Variants in CNTNAP5 observed in about 807,000 individuals in gnomAD.
CNTNAP5 encodes the protein contactin-associated protein-like 5.
In CNTNAP5, 72 loss-of-function variants were observed where a neutral mutation model predicts 150.2. That is an observed-to-expected ratio of 0.48 (90% CI 0.40 to 0.58). The LOEUF is 0.58. Among genes scored for constraint, CNTNAP5 ranks in the 20% least tolerant of loss-of-function variants. The pLI is 0.00. For synonymous variants in CNTNAP5, 672 were observed against 619.8 expected (o/e 1.08, Z -1.25); for missense variants, 1,636 against 1,626.2 (o/e 1.01, Z -0.10).
At chr2:124,090,175 T>C (rs1232243793) in intron 1 of CNTNAP5, among the ~76,000 whole-genome samples, 1 of 152,240 alleles carries the variant, frequency 6.6e-6, no homozygotes, top group African/African-American at 2.4e-5. Flanking sequence ...ATCCTTTATT[T>C]AGCAAAGTCA....
intron 17 of CNTNAP5, among the ~76,000 whole-genome samples, chr2:124,780,811 C>G (rs968238851): frequency 3.3e-5 from 5 of 152,218 alleles, no homozygotes; most frequent in Non-Finnish European, 5.9e-5. Flanking sequence ...ATTTGCAATG[C>G]CTTCTGGGCA....
chr2:124,127,578 C>T (rs1345193494), intron 1 of CNTNAP5, among the ~76,000 whole-genome samples: 3 of 152,018 alleles, frequency 2.0e-5, no homozygotes, highest in Non-Finnish European at 4.4e-5. Context: ...TCATATGGAA[C>T]CAAAAAAGAG....
At chr2:124,440,180 G>A (rs1692638770) in intron 5 of CNTNAP5, among the ~76,000 whole-genome samples, 1 of 152,122 alleles carries the variant, frequency 6.6e-6, no homozygotes, top group Non-Finnish European at 1.5e-5. Flanking sequence ...TTTAACTTGT[G>A]TGAGAAGCTT....
chr2:124,226,184 C>T (rs1686454273), intron 2 of CNTNAP5, among the ~76,000 whole-genome samples: 1 of 151,340 alleles, frequency 6.6e-6, no homozygotes, highest in African/African-American at 2.4e-5. Flanking sequence ...TTAGAAACCT[C>T]CATACCGTTT....
At chr2:124,224,312 A>G (rs1437008323) in intron 2 of CNTNAP5, among the ~76,000 whole-genome samples, 1 of 152,128 alleles carries the variant, frequency 6.6e-6, no homozygotes, top group African/African-American at 2.4e-5. Flanking sequence ...AATAGGCACA[A>G]ACAGTATTCA....
chr2:124,329,831 G>A (rs1364477292), intron 3 of CNTNAP5, among the ~76,000 whole-genome samples: 2 of 152,082 alleles, frequency 1.3e-5, no homozygotes, highest in African/African-American at 4.8e-5. Context: ...GGGCACAGAG[G>A]AAAAACAATG....
rs576026334 is a variant in CNTNAP5 at position 124,599,491 on chromosome 2, G to A, written c.1757-10310G>A. On this transcript the variant is annotated intron_variant, in intron 11 of 23. Transcript: ENST00000682447. ...ACACTATATTTAAAATTTTGTGATT[G>A]ATATTCATGAGTGATTCTATAATTT... is the stretch of plus-strand genomic sequence containing the variant. Among the ~76,000 whole-genome samples, 433 of 152,150 alleles carry A rather than the reference G, an allele frequency of 2.8e-3. 4 individuals are homozygous for A. The highest frequency in any genetic ancestry group is 4.9e-3 in the Non-Finnish European group (334 of 68,000).
chr2:124,884,946 T>C (rs1172226623), intron 21 of CNTNAP5, among the ~76,000 whole-genome samples: 2 of 152,090 alleles, frequency 1.3e-5, no homozygotes, highest in Non-Finnish European at 2.9e-5. Context: ...TGAAGCTGGC[T>C]GGGAAAGAAC....
rs772880907 is a variant in CNTNAP5, at chr2:124,371,130, A to AG, written c.382-46309dup. Among the ~76,000 whole-genome samples, 33 of 152,252 alleles carry AG rather than the reference A, an allele frequency of 2.2e-4. 1 individual carries two copies. Among genetic ancestry groups the AG allele is most frequent in the South Asian group, 6.2e-4 (3 of 4,828 alleles). Reference sequence around the variant, plus strand: ...CACATAAGTGTCTATGACCTGCTTCAGGGGAAGGTCAGAAAATCTTTCTTA... The same window carrying AG: ...CACATAAGTGTCTATGACCTGCTTCAGGGGGAAGGTCAGAAAATCTTTCTTA... On this transcript the variant is annotated intron_variant, in intron 3 of 23. Coordinates refer to ENST00000682447, the MANE Select transcript of CNTNAP5 (RefSeq NM_001367498.1).
chr2:124,636,509 G>A (rs1046096001), intron 12 of CNTNAP5, among the ~76,000 whole-genome samples: 9 of 151,996 alleles, frequency 5.9e-5, no homozygotes, highest in Non-Finnish European at 1.5e-5. Flanking sequence ...ATTCAACAGA[G>A]TGAATAACTA....
intron 1 of CNTNAP5, among the ~76,000 whole-genome samples, chr2:124,160,508 T>C (rs1393608786): frequency 1.7e-5 from 2 of 120,130 alleles, no homozygotes; most frequent in Non-Finnish European, 3.4e-5. Flanking sequence ...TTCTCTCCAG[T>C]GTTTTCTGTC....
intron 10 of CNTNAP5, among the ~76,000 whole-genome samples, chr2:124,544,116 C>T (rs1695455456): frequency 1.3e-5 from 2 of 152,028 alleles, no homozygotes; most frequent in South Asian, 4.1e-4. Context: ...CCCCAAAAAA[C>T]TTAGAAGTTA....
chr2:124,626,442 G>C (rs537493544), intron 12 of CNTNAP5, among the ~76,000 whole-genome samples: 5 of 152,202 alleles, frequency 3.3e-5, no homozygotes, highest in Admixed American at 3.3e-4. Flanking sequence ...AAGCAGAGTG[G>C]GTCATCATTT....
intron 1 of CNTNAP5, among the ~76,000 whole-genome samples, chr2:124,113,925 C>CTA (rs371751616): frequency 3.8e-4 from 57 of 150,188 alleles, no homozygotes; most frequent in East Asian, 9.7e-4. Flanking sequence ...GTCTCTCTCT[C>CTA]TATATATATA....
At chr2:124,616,990 A>G (rs1413389370) in intron 12 of CNTNAP5, among the ~76,000 whole-genome samples, 2 of 152,184 alleles carry the variant, frequency 1.3e-5, no homozygotes, top group African/African-American at 2.4e-5. Context: ...ATGTAATAAT[A>G]ATAAACAATT....
intron 1 of CNTNAP5, among the ~76,000 whole-genome samples, chr2:124,180,776 C>T (rs922240793): frequency 1.4e-5 from 2 of 147,134 alleles, no homozygotes; most frequent in East Asian, 4.1e-4. Flanking sequence ...GAAAGCCCCC[C>T]CAATCTCCCC....
At chr2:124,560,770 C>A (rs756779509) in intron 10 of CNTNAP5, among the ~76,000 whole-genome samples, 1 of 152,014 alleles carries the variant, frequency 6.6e-6, no homozygotes, top group Non-Finnish European at 1.5e-5. Flanking sequence ...CAGCAGGGAC[C>A]GACCACACAG....
chr2:124,353,298 A>T (rs1386313396), intron 3 of CNTNAP5, among the ~76,000 whole-genome samples: 6 of 151,720 alleles, frequency 4.0e-5, no homozygotes, highest in African/African-American at 1.5e-4. Flanking sequence ...AAAAAAAAAA[A>T]AAAAAAAAAA....
chr2:124,508,729 T>C (rs1694474037), intron 8 of CNTNAP5, among the ~76,000 whole-genome samples: 2 of 152,234 alleles, frequency 1.3e-5, no homozygotes, highest in Admixed American at 1.3e-4. Flanking sequence ...TGTATAATTC[T>C]CTCCTAAGGA....
Sources: allele counts gnomAD v4.1 joint callset (sites outside exome capture counted in the v4.1 genomes callset), GRCh38; gene constraint gnomAD v4.1.1; transcripts MANE v1.5; gene names NCBI Gene and HGNC (gene_info 2026-07-23, HGNC 2026-07-21).